Variants in STIL observed in about 807,000 individuals in gnomAD.
The protein encoded by STIL is SCL-interrupting locus protein.
STIL carries 55 observed loss-of-function variants against 110.1 expected under a neutral mutation model. The ratio of observed to expected loss-of-function variants is 0.50; its 90% CI spans 0.40 to 0.63. The LOEUF is 0.63. Ranked by LOEUF, STIL falls within the 20% of genes least tolerant of loss-of-function variation. The pLI is 0.00. For synonymous variants in STIL, 481 were observed against 530.0 expected (o/e 0.91, Z 1.27); for missense variants, 1,358 against 1,530.0 (o/e 0.89, Z 1.87).
chr1:47,264,930 T>TAA (rs35230201), intron 14 of STIL, among the ~76,000 whole-genome samples: 58,017 of 128,470 alleles, frequency 0.45, 13,685 homozygotes, highest in Non-Finnish European at 0.5. Flanking sequence ...TTTCTAAAGT[T>TAA]AAAAAAAAAA....
intron 14 of STIL, among the ~76,000 whole-genome samples, chr1:47,264,799 C>T (rs1644587643): frequency 6.6e-6 from 1 of 152,096 alleles, no homozygotes; most frequent in East Asian, 1.9e-4. Flanking sequence ...TCCAAATCAA[C>T]AACCCAAATC....
intron 16 of STIL, among the ~76,000 whole-genome samples, chr1:47,254,096 G>A (rs774636870): frequency 5.7e-5 from 8 of 140,164 alleles, no homozygotes; most frequent in African/African-American, 2.1e-4. Flanking sequence ...CAGGAGAATC[G>A]GTTAAACACA....
intron 8 of STIL, among the ~76,000 whole-genome samples, chr1:47,290,395 C>T (rs1459194545): frequency 6.6e-6 from 1 of 152,170 alleles, no homozygotes; most frequent in Non-Finnish European, 1.5e-5. Flanking sequence ...AGAGAGCTTG[C>T]TAGCACAAGC....
In STIL at chr1:47,251,175, TAAG is replaced by T. The variant is rs749584227; in HGVS notation, c.3825_3827del (p.Phe1275del). Reference sequence around the variant, plus strand: ...GTAACTGTCTGAGACGTTTTACATCTAAGAAGGTGCCTACTGAATTCATGCTAT... The same window carrying T: ...GTAACTGTCTGAGACGTTTTACATCTAAGGTGCCTACTGAATTCATGCTAT... On this transcript the variant is annotated inframe_deletion, in exon 17 of 17. Coordinates refer to ENST00000371877, the MANE Select transcript of STIL (RefSeq NM_001048166.1). The T allele has an allele frequency of 6.8e-6, 11 of 1,613,502 alleles. No individual in the cohort carries two copies. The South Asian group carries it at 1.2e-4, about 18-fold the overall frequency.
In STIL at chr1:47,282,441, A is replaced by G; in HGVS notation, c.1152T>C (p.Ser384=). 1 of 1,612,720 alleles carries G rather than the reference A, an allele frequency of 6.2e-7. No individual in the cohort carries two copies. Among genetic ancestry groups the G allele is most frequent in the Non-Finnish European group, 8.5e-7 (1 of 1,179,470 alleles). ...FSIKRSSQKL[S]SGKMPIHDHD... is the part of the protein sequence containing the mutation. ...GATCATGTATTGGCATCTTCCCAGA[A>G]GATAACTTTTGGGAAGACCTAAAGA... The change falls in exon 11 of 17, where the codon TCT becomes TCC. Residue 384 remains serine, a synonymous_variant. Transcript: ENST00000371877.
rs1159321511 is a variant in STIL at position 47,287,631 on chromosome 1, G to T, written c.1053C>A (p.Ile351=). 6.2e-7 allele frequency: 1 copy of T among 1,613,360 alleles called. No homozygotes were observed. The highest frequency in any genetic ancestry group is 1.3e-5 in the African/African-American group (1 of 74,884). ...KNVEPPDKNP[I]RCELSAESQN... Reference sequence around the variant, plus strand: ...GGCTTTCAGCGCTCAGTTCACAACGGATTGGATTTTTGTCAGGAGGTTCAA... The same window carrying T: ...GGCTTTCAGCGCTCAGTTCACAACGTATTGGATTTTTGTCAGGAGGTTCAA... The change falls in exon 10 of 17, where the codon ATC becomes ATA. Residue 351 remains isoleucine, a synonymous_variant. Transcript: ENST00000371877.
chr1:47,258,329 C>T (rs1644381416), intron 16 of STIL, among the ~76,000 whole-genome samples: 1 of 152,150 alleles, frequency 6.6e-6, no homozygotes, highest in South Asian at 2.1e-4. Flanking sequence ...ACTCTTTGAT[C>T]CTGCCTATCT....
chr1:47,264,440 T>G (rs1436863875), intron 14 of STIL, among the ~76,000 whole-genome samples: 1 of 152,238 alleles, frequency 6.6e-6, no homozygotes, highest in Non-Finnish European at 1.5e-5. Context: ...AAAATGCTTC[T>G]AATATGCCAA....
chr1:47,262,893 A>G lies in STIL; in HGVS notation c.2829+10T>C, dbSNP rs1053345923. 7 of 1,613,104 alleles carry G rather than the reference A, an allele frequency of 4.3e-6. No individual in the cohort carries two copies. The highest frequency in any genetic ancestry group is 5.9e-6 in the Non-Finnish European group (7 of 1,179,182). On this transcript the variant is annotated intron_variant, in intron 15 of 16. Coordinates refer to ENST00000371877, the MANE Select transcript of STIL (RefSeq NM_001048166.1). Reference sequence around the variant, plus strand: ...TTCTCAAAAAGATGAAATGCTCTACATTTTCTTACCAATAAATCCTGGTAA... The same window carrying G: ...TTCTCAAAAAGATGAAATGCTCTACGTTTTCTTACCAATAAATCCTGGTAA...
chr1:47,300,204 T>C, intron 5 of STIL, 52 bp from the exon 6 acceptor site: 2 of 1,557,070 alleles, frequency 1.3e-6, no homozygotes, highest in Non-Finnish European at 1.7e-6. Context: ...TGTGCCCATA[T>C]CGCCAAAGTT....
chr1:47,287,931 T>G (rs1645351962), intron 9 of STIL, among the ~76,000 whole-genome samples: 1 of 151,582 alleles, frequency 6.6e-6, no homozygotes, highest in African/African-American at 2.4e-5. Context: ...ACAGAAATAT[T>G]AGATCTCAGT....
intron 5 of STIL, 104 bp from the exon 6 acceptor site, chr1:47,300,256 A>T: frequency 9.1e-7 from 1 of 1,097,956 alleles, no homozygotes; most frequent in Non-Finnish European, 1.3e-6. Flanking sequence ...ATCTTGCACA[A>T]ATAAAATTAA....
At chr1:47,282,764 A>C (rs2148992568) in intron 10 of STIL, 3 of 314,858 alleles carry the variant, frequency 9.5e-6, no homozygotes, top group Non-Finnish European at 1.8e-5. Context: ...TATAGAAACA[A>C]GTAAGACTTA....
chr1:47,276,009 T>TC (rs1644980473), intron 12 of STIL, among the ~76,000 whole-genome samples: 1 of 150,986 alleles, frequency 6.6e-6, no homozygotes, highest in South Asian at 2.1e-4. Context: ...ATACTTTTTT[T>TC]TTTTTCTTTT....
chr1:47,299,689 G>C lies in STIL; in HGVS notation c.701+216C>G, dbSNP rs377365695. 16 of 507,708 alleles carry C rather than the reference G, an allele frequency of 3.2e-5. No individual in the cohort carries two copies. In the South Asian group the frequency reaches 3.2e-4, roughly 10 times the overall value. The allele number at this position is 507,708 out of a possible 1,614,324, so 31.5% of individuals were successfully genotyped here. On this transcript the variant is annotated intron_variant, in intron 6 of 16. Transcript: ENST00000371877. Reference sequence around the variant, plus strand: ...ATTACAGGTGTGAGCCACTGCGCCAGGCCCTACCACCAATTTTTTGTAGGT... The same window carrying C: ...ATTACAGGTGTGAGCCACTGCGCCACGCCCTACCACCAATTTTTTGTAGGT...
intron 1 of STIL, 56 bp from the exon 2 acceptor site, chr1:47,310,418 T>C (rs1646088939): frequency 9.0e-7 from 1 of 1,115,598 alleles, no homozygotes; most frequent in Non-Finnish European, 1.3e-6. Context: ...AAGAAAAATA[T>C]GATTTAACCA....
chr1:47,258,787 T>C (rs906354364), intron 16 of STIL, among the ~76,000 whole-genome samples: 1 of 151,954 alleles, frequency 6.6e-6, no homozygotes, highest in African/African-American at 2.4e-5. Context: ...GGAGGCTCAC[T>C]TGAGTCCAGG....
chr1:47,304,158 T>C (rs902371693), intron 3 of STIL, among the ~76,000 whole-genome samples: 2 of 151,682 alleles, frequency 1.3e-5, no homozygotes, highest in Non-Finnish European at 2.9e-5. Context: ...CGTTTTTTTT[T>C]CCTTATTTTG....
intron 2 of STIL, among the ~76,000 whole-genome samples, chr1:47,307,269 C>T (rs1040018998): frequency 6.6e-6 from 1 of 152,116 alleles, no homozygotes; most frequent in Non-Finnish European, 1.5e-5. Flanking sequence ...TGAGCTGAGA[C>T]CGCACCACTG....
Sources: gnomAD v4.1 joint callset for allele counts (sites outside exome capture counted in the v4.1 genomes callset) on GRCh38, gnomAD v4.1.1 for gene constraint, MANE v1.5 for transcripts, NCBI Gene and HGNC (gene_info 2026-07-23, HGNC 2026-07-21) for gene names.